Variants in NBAS observed in about 807,000 individuals in gnomAD.
NBAS encodes NAG/BC035112 fusion.
A neutral mutation model predicts 302.5 loss-of-function variants in NBAS; 219 were observed. The ratio of observed to expected loss-of-function variants is 0.72; its 90% CI spans 0.65 to 0.81. The LOEUF is 0.81. Ranked by LOEUF, NBAS falls within the 30% of genes least tolerant of loss-of-function variation. NBAS has a pLI of 0.00. For synonymous variants in NBAS, 1,118 were observed against 1,021.6 expected, an observed-to-expected ratio of 1.09 and a Z score of -1.80; for missense variants, 2,932 against 2,841.6, an observed-to-expected ratio of 1.03 and a Z score of -0.72.
chr2:15,456,033 CA>C (rs1399880152), intron 21 of NBAS, among the ~76,000 whole-genome samples: 1 of 152,068 alleles, frequency 6.6e-6, no homozygotes, highest in Admixed American at 6.6e-5. Flanking sequence ...TACTTTAAAA[CA>C]GCCAACTAGA....
At chr2:15,309,533 T>C (rs1338093220) in intron 38 of NBAS, among the ~76,000 whole-genome samples, 1 of 152,204 alleles carries the variant, frequency 6.6e-6, no homozygotes, top group African/African-American at 2.4e-5. Context: ...GCTGGTTTCC[T>C]AGAGCTGGGT....
chr2:15,475,473 T>G (rs981737170), intron 14 of NBAS, among the ~76,000 whole-genome samples: 5 of 152,198 alleles, frequency 3.3e-5, no homozygotes, highest in African/African-American at 1.2e-4. Flanking sequence ...AAATACTTTA[T>G]ACAGAGCAAA....
chr2:14,941,646 C>T, the NBAS span, among the ~76,000 whole-genome samples: 10 of 152,222 alleles, frequency 6.6e-5, no homozygotes, highest in African/African-American at 2.4e-4. Context: ...GTGTCACCCG[C>T]TCCCACAGAG....
At chr2:15,020,252 A>G in the NBAS span, among the ~76,000 whole-genome samples, 1 of 152,230 alleles carries the variant, frequency 6.6e-6, no homozygotes, top group African/African-American at 2.4e-5. Flanking sequence ...AAAATTATGA[A>G]ATTATTAATA....
chr2:14,789,443 T>C, the NBAS span, among the ~76,000 whole-genome samples: 2 of 152,200 alleles, frequency 1.3e-5, no homozygotes, highest in South Asian at 4.1e-4. Flanking sequence ...CTGGGAGCTG[T>C]AGACCGGAGC....
the NBAS span, among the ~76,000 whole-genome samples, chr2:14,843,737 G>A: frequency 1.3e-5 from 2 of 152,150 alleles, no homozygotes; most frequent in African/African-American, 2.4e-5. Flanking sequence ...GCTTGGTGCA[G>A]AGAGAGAATC....
the NBAS span, among the ~76,000 whole-genome samples, chr2:15,043,756 A>C: frequency 6.6e-6 from 1 of 152,204 alleles, no homozygotes; most frequent in Non-Finnish European, 1.5e-5. Context: ...CTGGGTTCTA[A>C]GTCTAGCTCT....
chr2:15,093,245 G>C, the NBAS span, among the ~76,000 whole-genome samples: 8 of 152,142 alleles, frequency 5.3e-5, no homozygotes, highest in African/African-American at 1.7e-4. Context: ...GTAAAACCCC[G>C]TCTCTACTAA....
chr2:14,895,688 T>C, the NBAS span, among the ~76,000 whole-genome samples: 13 of 149,212 alleles, frequency 8.7e-5, no homozygotes, highest in Non-Finnish European at 1.2e-4. Context: ...TGCAGTGAGC[T>C]GAGATCGCGC....
the NBAS span, among the ~76,000 whole-genome samples, chr2:14,976,890 C>T: frequency 8.8e-4 from 134 of 152,294 alleles, no homozygotes; most frequent in African/African-American, 1.1e-3. Context: ...AGTCTTCCAA[C>T]GGAGTGCAGC....
chr2:14,837,650 T>G, the NBAS span, among the ~76,000 whole-genome samples: 3 of 151,834 alleles, frequency 2.0e-5, no homozygotes, highest in African/African-American at 4.8e-5. Context: ...GAAATTTCAT[T>G]AGAATACTTA....
At chr2:14,882,599 A>C in the NBAS span, among the ~76,000 whole-genome samples, 1 of 152,166 alleles carries the variant, frequency 6.6e-6, no homozygotes, top group East Asian at 1.9e-4. Flanking sequence ...CTCAAAGAGA[A>C]ATTATCAAGA....
rs1664722132 is a variant in NBAS at position 15,179,506 on chromosome 2, A to G, written c.6712-390T>C. ...GTGTGTGTGTGTGTGAGAGAGAGAG[A>G]GTTTGTATTGATGAACGCAGCATAC... is the stretch of plus-strand genomic sequence containing the variant. On this transcript the variant is annotated intron_variant, in intron 50 of 51. Coordinates refer to ENST00000281513, the MANE Select transcript of NBAS (RefSeq NM_015909.4). 5.7e-5 allele frequency: 13 copies of G among 227,394 alleles called. No individual in the cohort carries two copies. The South Asian group carries it at 9.4e-4, about 16-fold the overall frequency. The allele number at this position is 227,394 out of a possible 1,614,324, so 14.1% of individuals were successfully genotyped here.
intron 48 of NBAS, among the ~76,000 whole-genome samples, chr2:15,198,713 G>A (rs930559066): frequency 1.3e-5 from 2 of 152,170 alleles, no homozygotes; most frequent in Non-Finnish European, 1.5e-5. Flanking sequence ...CAAAACAAAT[G>A]ATTAATATAC....
chr2:15,091,802 G>A, the NBAS span, among the ~76,000 whole-genome samples: 1 of 152,170 alleles, frequency 6.6e-6, no homozygotes, highest in Non-Finnish European at 1.5e-5. Flanking sequence ...CGAAGGGCTG[G>A]AATTACAGGT....
intron 47 of NBAS, among the ~76,000 whole-genome samples, chr2:15,231,027 G>T (rs958843704): frequency 1.3e-5 from 2 of 152,098 alleles, no homozygotes; most frequent in African/African-American, 4.8e-5. Context: ...TCTGTACAGC[G>T]CTTCCCATTC....
the NBAS span, among the ~76,000 whole-genome samples, chr2:15,069,890 G>A: frequency 2.0e-5 from 3 of 152,144 alleles, no homozygotes; most frequent in East Asian, 1.9e-4. Context: ...GGCACGGATT[G>A]GGAATTGGAG....
intron 38 of NBAS, among the ~76,000 whole-genome samples, chr2:15,319,511 A>G (rs1472506096): frequency 6.6e-6 from 1 of 152,202 alleles, no homozygotes; most frequent in African/African-American, 2.4e-5. Context: ...CAAGAGCAAT[A>G]AAGAGGAAAG....
the NBAS span, among the ~76,000 whole-genome samples, chr2:14,880,960 G>A: frequency 6.7e-6 from 1 of 149,788 alleles, no homozygotes; most frequent in East Asian, 2.0e-4. Flanking sequence ...TTATTTACAA[G>A]AAGAAAAAAT....
Sources: allele counts gnomAD v4.1 joint callset (sites outside exome capture counted in the v4.1 genomes callset), GRCh38; gene constraint gnomAD v4.1.1; transcripts MANE v1.5; gene names NCBI Gene and HGNC (gene_info 2026-07-23, HGNC 2026-07-21).